Variants in CPA4 observed in about 807,000 individuals in gnomAD.
CPA4 encodes carboxypeptidase A4.
In CPA4, 49 loss-of-function variants were observed where a neutral mutation model predicts 54.7. The observed-to-expected ratio is 0.90, with a 90% CI of 0.71 to 1.14. The LOEUF (loss-of-function observed/expected upper bound fraction) is 1.14. Among genes scored for constraint, CPA4 ranks in the 50% most tolerant of loss-of-function variants. CPA4 has a pLI of 0.00. For missense variants in CPA4, 487 were observed against 525.1 expected (o/e 0.93, Z 0.71); for synonymous variants, 215 against 206.8 (o/e 1.04, Z -0.34).
In CPA4 at chr7:130,310,039, T is replaced by C. The variant is rs1298661862; in HGVS notation, c.794-748T>C. 6.6e-6 allele frequency among the ~76,000 whole-genome samples: 1 copy of C among 152,188 alleles called. No homozygotes were observed. Among genetic ancestry groups the C allele is most frequent in the Non-Finnish European group, 1.5e-5 (1 of 68,020 alleles). On this transcript the variant is annotated intron_variant, in intron 8 of 10. Transcript: ENST00000222482. The surrounding 1 kb of genome is among the most constrained non-coding windows in gnomAD (Gnocchi z 4.3). ...ACCTCAGCCTCTCAAAGTGCTGGGA[T>C]TATAGACATGAGGCACTGTGCCCGG...
At chr7:130,308,081 G>T (rs139310952) in intron 7 of CPA4, 36 of 569,334 alleles carry the variant, frequency 6.3e-5, no homozygotes, top group African/African-American at 1.5e-4. Flanking sequence ...GCATATAAAG[G>T]TCTCATCAGT....
chr7:130,313,498 G>A (rs1031658613), intron 10 of CPA4, among the ~76,000 whole-genome samples: 3 of 152,190 alleles, frequency 2.0e-5, no homozygotes, highest in African/African-American at 7.2e-5. Context: ...TTGGAGGACT[G>A]CAGCTGAGGA....
chr7:130,319,300 GT>G (rs1794046878), intron 10 of CPA4, among the ~76,000 whole-genome samples: 1 of 152,190 alleles, frequency 6.6e-6, no homozygotes. Flanking sequence ...GTTCATAAGC[GT>G]GGTGATTGGG....
In CPA4 at chr7:130,295,905, G is replaced by A. The variant is rs139068097; in HGVS notation, c.68+2657G>A. Among the ~76,000 whole-genome samples the A allele has an allele frequency of 7.9e-3, 1,211 of 152,328 alleles. 15 individuals carry two copies. Among genetic ancestry groups the A allele is most frequent in the African/African-American group, 0.027 (1,136 of 41,564 alleles). ...GAGGCAGGAGAATCACTTGAACCCC[G>A]GAGGCGGAGATTGCAGTGAGCTGAG... On this transcript the variant is annotated intron_variant, in intron 1 of 10. Transcript: ENST00000222482.
At position 130,308,002 on chromosome 7, in the gene CPA4, G is replaced by T. The variant is rs1017924212; in HGVS notation, c.703-305G>T. On this transcript the variant is annotated intron_variant, in intron 7 of 10. Coordinates refer to ENST00000222482, the MANE Select transcript of CPA4 (RefSeq NM_016352.4). Reference sequence around the variant, plus strand: ...ATCTATTATCACCGAGGCATATAGTGTCCATTTGCCCACTTCTGCCAAAGC... The same window carrying T: ...ATCTATTATCACCGAGGCATATAGTTTCCATTTGCCCACTTCTGCCAAAGC... 4 of 384,512 alleles carry T rather than the reference G, an allele frequency of 1.0e-5. No individual in the cohort carries two copies. In the East Asian group the frequency reaches 2.0e-4, roughly 20 times the overall value. The allele number at this position is 384,512 out of a possible 1,614,324, so 23.8% of individuals were successfully genotyped here. A position where few individuals can be genotyped will look rare whatever the true frequency, so the allele number is the denominator to read the frequency against.
Position 130,305,870 on chromosome 7 carries a change from C to A in CPA4, c.541C>A (p.His181Asn). The change falls in exon 6 of 11, where the codon CAT becomes AAT. Residue 181 changes from histidine (H) to asparagine (N), a missense_variant. Physicochemically the swap from His to Asn is moderately conservative, Grantham distance 68. Coordinates refer to ENST00000222482, the MANE Select transcript of CPA4 (RefSeq NM_016352.4). Reference sequence around the variant, plus strand: ...GGCCGTTTGGCTGAATGCAGGCATCCATTCCCGAGAGTGGATCTCCCAGGC... The same window carrying A: ...GGCCGTTTGGCTGAATGCAGGCATCAATTCCCGAGAGTGGATCTCCCAGGC... ...RPAVWLNAGI[H>N]SREWISQATA... is the part of the protein sequence containing the mutation. 2.5e-6 allele frequency: 4 copies of A among 1,614,184 alleles called. No individual in the cohort carries two copies. The highest frequency in any genetic ancestry group is 3.4e-6 in the Non-Finnish European group (4 of 1,180,024).
chr7:130,308,455 C>A, intron 8 of CPA4, 58 bp downstream of exon 8: 1 of 1,412,204 alleles, frequency 7.1e-7, no homozygotes, highest in Non-Finnish European at 1.0e-6. Flanking sequence ...CCTGGTCTAC[C>A]AGTGCTCTGA....
At chr7:130,300,736 C>A in intron 3 of CPA4, 80 bp from the exon 4 acceptor site, 2 of 925,816 alleles carry the variant, frequency 2.2e-6, no homozygotes, top group Non-Finnish European at 3.6e-6. Flanking sequence ...CTTGGCTGAC[C>A]CATATGCAAA....
Position 130,309,672 on chromosome 7 carries a change from C to T in CPA4, c.794-1115C>T, listed in dbSNP as rs111680578. Among the ~76,000 whole-genome samples, 105 of 152,334 alleles carry T rather than the reference C, an allele frequency of 6.9e-4. 1 individual carries two copies. Among genetic ancestry groups the T allele is most frequent in the African/African-American group, 2.2e-3 (90 of 41,566 alleles). ...AAGCTCAGAGACAATCTCAAGATGA[C>T]ATGGGTGAACAGAGTTCTGATCTAA... On this transcript the variant is annotated intron_variant, in intron 8 of 10. Coordinates refer to ENST00000222482, the MANE Select transcript of CPA4 (RefSeq NM_016352.4).
chr7:130,310,813 T>C lies in CPA4; in HGVS notation c.820T>C (p.Ser274Pro), dbSNP rs1793899055. 1 of 1,614,210 alleles carries C rather than the reference T, an allele frequency of 6.2e-7. No individual in the cohort carries two copies. The highest frequency in any genetic ancestry group is 8.5e-7 in the Non-Finnish European group (1 of 1,180,016). Residue 274 changes from serine to proline, a missense_variant, in exon 9 of 11, where the codon TCC becomes CCC. By Grantham distance (74) the Ser-to-Pro change is moderately conservative. Transcript: ENST00000222482. The surrounding 1 kb of genome is among the most constrained non-coding windows in gnomAD (Gnocchi z 4.3). ...AAAGGGAGCCAGCGACAACCCTTGC[T>C]CCGAAGTGTACCATGGACCCCACGC... ...AGKGASDNPC[S>P]EVYHGPHANS...
chr7:130,303,507 TTGTG>T (rs1562929137), intron 4 of CPA4, among the ~76,000 whole-genome samples: 3 of 152,202 alleles, frequency 2.0e-5, no homozygotes, highest in African/African-American at 4.8e-5. Context: ...ATTTGTATCA[TTGTG>T]TGTGTGTCTG....
chr7:130,307,398 G>A (rs1389872300), intron 7 of CPA4, among the ~76,000 whole-genome samples: 1 of 152,066 alleles, frequency 6.6e-6, no homozygotes, highest in Non-Finnish European at 1.5e-5. Flanking sequence ...TTGGGAGGCC[G>A]AGGTGGGCGG....
intron 10 of CPA4, among the ~76,000 whole-genome samples, chr7:130,318,208 A>G (rs1052071705): frequency 2.6e-5 from 4 of 152,096 alleles, no homozygotes; most frequent in African/African-American, 9.7e-5. Flanking sequence ...TCCTCTCCAA[A>G]GATCTTTGGG....
intron 6 of CPA4, chr7:130,306,382 T>TA: frequency 4.7e-6 from 1 of 211,744 alleles, no homozygotes; most frequent in Non-Finnish European, 9.3e-6. Context: ...GACTCTGTCT[T>TA]AAAAAAAGAA....
In CPA4 at chr7:130,310,877, T is replaced by A; in HGVS notation, c.884T>A (p.Ile295Asn). Residue 295 changes from isoleucine to asparagine, a missense_variant, in exon 9 of 11, where the codon ATC becomes AAC. Ile to Asn is a moderately radical substitution (Grantham distance 149). Coordinates refer to ENST00000222482, the MANE Select transcript of CPA4 (RefSeq NM_016352.4). The surrounding 1 kb of genome is among the most constrained non-coding windows in gnomAD (Gnocchi z 4.3). ...EVEVKSVVDF[I>N]QKHGNFKGFI... is the part of the protein sequence containing the mutation. ...GAGGTGAAATCAGTGGTAGATTTCATCCAAAAACATGGGAATTTCAAGGGC... is the reference window on the plus strand; with the variant it reads ...GAGGTGAAATCAGTGGTAGATTTCAACCAAAAACATGGGAATTTCAAGGGC... 1 of 1,614,078 alleles carries A rather than the reference T, an allele frequency of 6.2e-7. No individual in the cohort carries two copies. Among genetic ancestry groups the A allele is most frequent in the East Asian group, 2.2e-5 (1 of 44,884 alleles).
rs541172842 is a variant in CPA4, at chr7:130,323,453, A to C, written c.*777A>C. 6.6e-6 allele frequency: 1 copy of C among 152,454 alleles called. No homozygotes were observed. The highest frequency in any genetic ancestry group is 2.4e-5 in the African/African-American group (1 of 41,570). 9.4% of individuals were successfully genotyped at this position (152,454 alleles called of 1,614,324 possible). A position where few individuals can be genotyped will look rare whatever the true frequency, so the allele number is the denominator to read the frequency against. ...AGGCTGGTCTCAAACTCCCAACCTC[A>C]GGTGATCTGCCCTCCTTGGCCTCCC... On this transcript the variant is annotated 3_prime_UTR_variant, in exon 11 of 11. Transcript: ENST00000222482.
chr7:130,302,146 C>T (rs1268417410), intron 4 of CPA4, among the ~76,000 whole-genome samples: 2 of 152,180 alleles, frequency 1.3e-5, no homozygotes, highest in African/African-American at 4.8e-5. Context: ...TGTGCCACCA[C>T]CCTCCTAGCT....
At chr7:130,307,990 G>A (rs1174237034) in intron 7 of CPA4, 3 of 286,702 alleles carry the variant, frequency 1.0e-5, no homozygotes, top group African/African-American at 2.2e-5. Context: ...TATTATCACC[G>A]AGGCATATAG....
chr7:130,294,478 T>C (rs1400765468), intron 1 of CPA4, among the ~76,000 whole-genome samples: 1 of 152,202 alleles, frequency 6.6e-6, no homozygotes, highest in Non-Finnish European at 1.5e-5. Flanking sequence ...CACAGGCGGC[T>C]CAGCAGTAGG....
Sources: gnomAD v4.1 joint callset for allele counts (sites outside exome capture counted in the v4.1 genomes callset) on GRCh38, gnomAD v4.1.1 for gene constraint, Gnocchi (gnomAD v3.1) non-coding constraint, MANE v1.5 for transcripts, NCBI Gene and HGNC (gene_info 2026-07-23, HGNC 2026-07-21) for gene names.